GFI1B: variants seen among roughly 807,000 people sequenced by gnomAD.
The protein encoded by GFI1B is growth factor independent 1B transcriptional repressor.
Under a neutral mutation model 35.3 loss-of-function variants are expected in GFI1B, and 20 were observed. The observed-to-expected ratio is 0.57, with a 90% CI of 0.40 to 0.82. GFI1B has a LOEUF of 0.82. Ranked by LOEUF, GFI1B falls within the 40% of genes least tolerant of loss-of-function variation. The pLI is 0.00. For synonymous variants in GFI1B, 178 were observed against 177.6 expected (o/e 1.00, Z -0.02); for missense variants, 430 against 446.3 (o/e 0.96, Z 0.33).
chr9:132,957,576 A>G (rs1490954157), intron 1 of GFI1B, among the ~76,000 whole-genome samples: 1 of 152,194 alleles, frequency 6.6e-6, no homozygotes, highest in Admixed American at 6.5e-5. Context: ...GAAGACCAGG[A>G]TGGGAGATAG....
chr9:132,947,828 A>C (rs959243339), intron 1 of GFI1B, among the ~76,000 whole-genome samples: 3 of 150,090 alleles, frequency 2.0e-5, no homozygotes, highest in South Asian at 2.1e-4. Context: ...AAAAAAAAAA[A>C]AACTAAACTA....
chr9:132,958,913 G>A (rs1004220053), intron 1 of GFI1B, among the ~76,000 whole-genome samples: 1 of 152,186 alleles, frequency 6.6e-6, no homozygotes, highest in Non-Finnish European at 1.5e-5. Flanking sequence ...AGGAGAACTG[G>A]CCATGGCAGC....
At chr9:132,973,268 C>T (rs1224512267) in intron 2 of GFI1B, among the ~76,000 whole-genome samples, 1 of 152,212 alleles carries the variant, frequency 6.6e-6, no homozygotes, top group East Asian at 1.9e-4. Flanking sequence ...ACAGAACATT[C>T]ACCCCCAATA....
intron 2 of GFI1B, 108 bp downstream of exon 2, chr9:132,986,886 T>C: frequency 1.4e-6 from 1 of 724,470 alleles, no homozygotes; most frequent in South Asian, 1.5e-5. Flanking sequence ...CTTCCAAGTC[T>C]GGAAACAGGA....
Position 132,947,412 on chromosome 9 carries a change from CAAAAAAAAA to C in GFI1B, c.-701+1753_-701+1761del, listed in dbSNP as rs35035214. Among the ~76,000 whole-genome samples, 262 of 95,966 alleles carry C rather than the reference CAAAAAAAAA, an allele frequency of 2.7e-3. 7 individuals are homozygous for C. Among genetic ancestry groups the C allele is most frequent in the Non-Finnish European group, 1.3e-3 (65 of 49,586 alleles). The allele number at this position is 95,966 out of a possible 152,430, so 63.0% of individuals were successfully genotyped here. A position where few individuals can be genotyped will look rare whatever the true frequency, so the allele number is the denominator to read the frequency against. Reference sequence around the variant, plus strand: ...TTCAATTAGATTAAATTTAATCGAGCAAAAAAAAAAAAAAAAAAGAAAGAAAAAGAGAAT... The same window carrying C: ...TTCAATTAGATTAAATTTAATCGAGCAAAAAAAAAGAAAGAAAAAGAGAAT... On this transcript the variant is annotated intron_variant, in intron 1 of 10. Transcript: ENST00000339463.
chr9:132,977,353 A>G (rs1401149598), upstream of GFI1B, among the ~76,000 whole-genome samples: 1 of 152,064 alleles, frequency 6.6e-6, no homozygotes, highest in Non-Finnish European at 1.5e-5. Flanking sequence ...GCTGGGACTG[A>G]CACCCCAGCA....
chr9:132,952,946 G>A (rs1307003748), intron 1 of GFI1B: 5 of 152,118 alleles, frequency 3.3e-5, no homozygotes, highest in African/African-American at 4.8e-5. Context: ...GCACTCCTAG[G>A]ACAAGCACAA....
intron 1 of GFI1B, among the ~76,000 whole-genome samples, chr9:132,983,401 T>G (rs1483689944): frequency 1.3e-5 from 2 of 152,038 alleles, no homozygotes; most frequent in African/African-American, 4.8e-5. Context: ...TTCACTGTGT[T>G]GGCTAGGCTG....
chr9:132,964,900 C>T lies in GFI1B; in HGVS notation c.-700-7825C>T, dbSNP rs534650330. 3.8e-4 allele frequency among the ~76,000 whole-genome samples: 57 copies of T among 151,816 alleles called. 1 individual carries two copies. Among genetic ancestry groups the T allele is most frequent in the Non-Finnish European group, 6.3e-4 (43 of 67,956 alleles). Reference sequence around the variant, plus strand: ...GATTATAGGCACCTGACACCATGCCCGGCTAATTTTTGTATTTTTAGTAGA... The same window carrying T: ...GATTATAGGCACCTGACACCATGCCTGGCTAATTTTTGTATTTTTAGTAGA... On this transcript the variant is annotated intron_variant, in intron 1 of 10. Coordinates refer to the GFI1B transcript ENST00000339463.
At position 132,988,442 on chromosome 9, in the gene GFI1B, G is replaced by A. The variant is rs1849163012; in HGVS notation, c.484G>A (p.Ala162Thr). 1 of 1,613,762 alleles carries A rather than the reference G, an allele frequency of 6.2e-7. No individual in the cohort carries two copies. The highest frequency in any genetic ancestry group is 1.3e-5 in the African/African-American group (1 of 74,942). ...CCTCCGCTACTCCCCAGGCATGGATGCGTACCACTGTGTGAAGTGCAACAA... is the reference window on the plus strand; with the variant it reads ...CCTCCGCTACTCCCCAGGCATGGATACGTACCACTGTGTGAAGTGCAACAA... ...FSLRYSPGMD[A>T]YHCVKCNKVF... The change falls in exon 4 of 7, where the codon GCG (alanine) becomes ACG (threonine). Residue 162 changes from alanine to threonine, a missense_variant. Physicochemically the swap from Ala to Thr is moderately conservative, Grantham distance 58. Transcript: ENST00000372122.
In GFI1B at chr9:132,990,774, G is replaced by T. The variant is rs185610471; in HGVS notation, c.815-98G>T. The stretch of plus-strand genomic sequence containing the variant: ...TGGCCATGAGAGAAAACACAGGAAG[G>T]TATTGGAAAATGAACCCGGGGGCAG... On this transcript the variant is annotated intron_variant, in intron 6 of 6. Coordinates refer to ENST00000372122, the MANE Select transcript of GFI1B (RefSeq NM_001377304.1). The T allele has an allele frequency of 1.4e-3, 1,443 of 998,302 alleles. 5 individuals are homozygous for T. Among genetic ancestry groups the T allele is most frequent in the Non-Finnish European group, 1.8e-3 (1,131 of 637,666 alleles). 61.8% of individuals were successfully genotyped at this position (998,302 alleles called of 1,614,324 possible). A position where few individuals can be genotyped will look rare whatever the true frequency, so the allele number is the denominator to read the frequency against.
intron 1 of GFI1B, among the ~76,000 whole-genome samples, chr9:132,946,001 C>G (rs965335852): frequency 7.9e-5 from 12 of 152,162 alleles, no homozygotes; most frequent in African/African-American, 2.9e-4. Flanking sequence ...TGGATGGTAT[C>G]GGGTAGAGCC....
chr9:132,988,452 G>A lies in GFI1B; in HGVS notation c.494G>A (p.Cys165Tyr), dbSNP rs1241436394. 5 of 1,613,626 alleles carry A rather than the reference G, an allele frequency of 3.1e-6. No individual in the cohort carries two copies. The South Asian group carries it at 5.5e-5, about 18-fold the overall frequency. Reference protein sequence around the residue: ...RYSPGMDAYHCVKCNKVFSTP... With the variant: ...RYSPGMDAYHYVKCNKVFSTP... ...TCCCCAGGCATGGATGCGTACCACTGTGTGAAGTGCAACAAGGTGGGCAGC... is the reference window on the plus strand; with the variant it reads ...TCCCCAGGCATGGATGCGTACCACTATGTGAAGTGCAACAAGGTGGGCAGC... The change falls in exon 4 of 7, where the codon TGT (cysteine) becomes TAT (tyrosine). Residue 165 changes from cysteine (C) to tyrosine (Y), a missense_variant. Physicochemically the swap from Cys to Tyr is radical, Grantham distance 194. Transcript: ENST00000372122.
chr9:132,947,760 G>A (rs2132577521), intron 1 of GFI1B, among the ~76,000 whole-genome samples: 1 of 143,974 alleles, frequency 6.9e-6, no homozygotes, highest in South Asian at 2.4e-4. Flanking sequence ...AGTGAGCTGA[G>A]ATTGTGCCAC....
Position 132,959,979 on chromosome 9 carries a change from AG to A in GFI1B, c.-700-12744del, listed in dbSNP as rs1442057099. Among the ~76,000 whole-genome samples, 11 of 152,338 alleles carry A rather than the reference AG, an allele frequency of 7.2e-5. No homozygotes were observed. In the East Asian group the frequency reaches 1.3e-3, roughly 19 times the overall value. Reference sequence around the variant, plus strand: ...AAATAAAGTCACGTTCTGCGGTTCCAGGTAGACATGAATTGGGATGAGGAGA... The same window carrying A: ...AAATAAAGTCACGTTCTGCGGTTCCAGTAGACATGAATTGGGATGAGGAGA... On this transcript the variant is annotated intron_variant, in intron 1 of 10. Transcript: ENST00000339463.
chr9:132,989,021 C>T lies in GFI1B; in HGVS notation c.511-40C>T, dbSNP rs139056593. 973 of 1,607,482 alleles carry T rather than the reference C, an allele frequency of 6.1e-4. 5 individuals carry two copies. In the African/African-American group the frequency reaches 0.011, roughly 18 times the overall value. On this transcript the variant is annotated intron_variant, in intron 4 of 6. Coordinates refer to ENST00000372122, the MANE Select transcript of GFI1B (RefSeq NM_001377304.1). This position sits in a 1 kb window ranked among gnomAD's most constrained non-coding sequence, Gnocchi z 6.2. ...GGGACCCCAGGCCTGTCCCTGTCAC[C>T]GCAGCCCCCAGTGGCCTCACATGCT...
At chr9:132,949,319 A>G (rs910700154) in intron 1 of GFI1B, among the ~76,000 whole-genome samples, 2 of 148,948 alleles carry the variant, frequency 1.3e-5, no homozygotes, top group Middle Eastern at 3.5e-3. Flanking sequence ...AGCCAAACCC[A>G]CAGATACACA....
chr9:132,947,780 G>T (rs935183384), intron 1 of GFI1B, among the ~76,000 whole-genome samples: 1 of 145,292 alleles, frequency 6.9e-6, no homozygotes. Context: ...CTGCATTCCA[G>T]CCTGGGTAAC....
At chr9:132,963,495 TA>T in intron 1 of GFI1B, among the ~76,000 whole-genome samples, 1 of 151,764 alleles carries the variant, frequency 6.6e-6, no homozygotes, top group East Asian at 1.9e-4. Flanking sequence ...AAATTATTAT[TA>T]TTATTATTGT....
Sources: gnomAD v4.1 joint callset for allele counts (sites outside exome capture counted in the v4.1 genomes callset) on GRCh38, gnomAD v4.1.1 for gene constraint, Gnocchi (gnomAD v3.1) non-coding constraint, MANE v1.5 for transcripts, NCBI Gene and HGNC (gene_info 2026-07-23, HGNC 2026-07-21) for gene names.